The following STXBP5L variants were observed in gnomAD, a reference collection of about 807,000 sequenced individuals.
STXBP5L encodes syntaxin binding protein 5L, also known as syntaxin-binding protein 5-like.
Under a neutral mutation model 144.5 loss-of-function variants are expected in STXBP5L, and 65 were observed. The ratio of observed to expected loss-of-function variants is 0.45; its 90% CI spans 0.37 to 0.55. STXBP5L has a LOEUF of 0.55. Ranked by LOEUF, STXBP5L falls within the 20% of genes least tolerant of loss-of-function variation. The pLI is 0.00. For missense variants in STXBP5L, 1,298 were observed against 1,405.5 expected (o/e 0.92, Z 1.22); for synonymous variants, 505 against 469.6 (o/e 1.08, Z -0.97).
At chr3:121,013,449 T>C (rs1455196332) in intron 3 of STXBP5L, among the ~76,000 whole-genome samples, 1 of 152,120 alleles carries the variant, frequency 6.6e-6, no homozygotes, top group Non-Finnish European at 1.5e-5. Flanking sequence ...TGATTAGTGA[T>C]GTTGAGCATT....
At chr3:121,330,992 C>T (rs1051579268) in intron 20 of STXBP5L, among the ~76,000 whole-genome samples, 15 of 152,212 alleles carry the variant, frequency 9.9e-5, no homozygotes, top group Non-Finnish European at 1.3e-4. Flanking sequence ...GGATCCCTTG[C>T]AGACAGTCCC....
intron 2 of STXBP5L, among the ~76,000 whole-genome samples, chr3:120,918,930 A>G (rs899975603): frequency 5.3e-5 from 8 of 152,160 alleles, no homozygotes; most frequent in African/African-American, 1.7e-4. Flanking sequence ...TGGGTTGTTC[A>G]GTGTACCACA....
At chr3:121,262,241 T>C (rs1228829532) in intron 18 of STXBP5L, among the ~76,000 whole-genome samples, 1 of 152,206 alleles carries the variant, frequency 6.6e-6, no homozygotes, top group African/African-American at 2.4e-5. Flanking sequence ...TATGTCTTTC[T>C]CATATGCAAA....
intron 5 of STXBP5L, among the ~76,000 whole-genome samples, chr3:121,101,305 G>T (rs1284062527): frequency 6.6e-6 from 1 of 151,892 alleles, no homozygotes; most frequent in Non-Finnish European, 1.5e-5. Context: ...GACAATACAG[G>T]CCAATATCCC....
At chr3:121,042,198 A>G (rs1404598467) in intron 4 of STXBP5L, among the ~76,000 whole-genome samples, 1 of 151,994 alleles carries the variant, frequency 6.6e-6, no homozygotes, top group South Asian at 2.1e-4. Flanking sequence ...GGGCCCTTTT[A>G]TCTGCATATA....
intron 3 of STXBP5L, among the ~76,000 whole-genome samples, chr3:121,019,738 AG>A (rs1945410122): frequency 6.6e-6 from 1 of 152,222 alleles, no homozygotes; most frequent in Non-Finnish European, 1.5e-5. Flanking sequence ...CACCACATTA[AG>A]GGATCACTCC....
At chr3:121,406,363 A>G (rs555922307) in intron 22 of STXBP5L, among the ~76,000 whole-genome samples, 67 of 152,194 alleles carry the variant, frequency 4.4e-4, no homozygotes, top group African/African-American at 1.5e-3. Context: ...TCTCTGTCAC[A>G]TGTACACCCT....
chr3:120,979,813 A>G (rs1002606733), intron 3 of STXBP5L, among the ~76,000 whole-genome samples: 4 of 152,124 alleles, frequency 2.6e-5, no homozygotes, highest in Admixed American at 6.6e-5. Context: ...GTGTGACTGT[A>G]GATTGTCAGT....
At chr3:121,007,638 A>T (rs1944441625) in intron 3 of STXBP5L, among the ~76,000 whole-genome samples, 1 of 152,030 alleles carries the variant, frequency 6.6e-6, no homozygotes, top group African/African-American at 2.4e-5. Context: ...AGGAGATAAC[A>T]GGATGAGGGT....
intron 7 of STXBP5L, among the ~76,000 whole-genome samples, chr3:121,133,563 AC>A (rs1478619362): frequency 3.3e-5 from 5 of 152,142 alleles, no homozygotes; most frequent in Admixed American, 3.3e-4. Flanking sequence ...GAGAGATAAA[AC>A]CTTTCCCAGA....
chr3:121,004,769 G>T (rs527668906), intron 3 of STXBP5L, among the ~76,000 whole-genome samples: 3 of 152,254 alleles, frequency 2.0e-5, no homozygotes, highest in East Asian at 3.9e-4. Context: ...AAGCGTTGTT[G>T]AATTTTGTCA....
intron 2 of STXBP5L, among the ~76,000 whole-genome samples, chr3:120,930,264 A>T (rs1425117763): frequency 1.3e-5 from 2 of 151,058 alleles, no homozygotes; most frequent in African/African-American, 4.9e-5. Context: ...ACAAAGTCTT[A>T]TCTACATAGT....
chr3:121,111,428 C>G (rs1283106978), intron 5 of STXBP5L, among the ~76,000 whole-genome samples: 1 of 152,100 alleles, frequency 6.6e-6, no homozygotes, highest in African/African-American at 2.4e-5. Context: ...TTTGAGGGGA[C>G]TTTTTTGTTA....
At chr3:121,352,637 A>T (rs1294152225) in intron 20 of STXBP5L, among the ~76,000 whole-genome samples, 1 of 152,080 alleles carries the variant, frequency 6.6e-6, no homozygotes, top group Non-Finnish European at 1.5e-5. Flanking sequence ...AACAGGGACA[A>T]TTTGACTCTT....
At chr3:121,205,038 G>C (rs1054212620) in intron 9 of STXBP5L, among the ~76,000 whole-genome samples, 1 of 152,142 alleles carries the variant, frequency 6.6e-6, no homozygotes, top group African/African-American at 2.4e-5. Context: ...AAATGTATTT[G>C]ATAGAATAAT....
chr3:121,100,840 A>G (rs1167266018), intron 5 of STXBP5L, among the ~76,000 whole-genome samples: 2 of 151,630 alleles, frequency 1.3e-5, no homozygotes, highest in African/African-American at 4.8e-5. Context: ...TATTGGTAGA[A>G]CACTAGCTAG....
chr3:121,060,999 C>G (rs1177630686), intron 5 of STXBP5L, among the ~76,000 whole-genome samples: 1 of 152,014 alleles, frequency 6.6e-6, no homozygotes, highest in Non-Finnish European at 1.5e-5. Context: ...TTAGTTATTT[C>G]TTGTCTTCTG....
intron 19 of STXBP5L, among the ~76,000 whole-genome samples, chr3:121,291,755 A>T (rs2051447791): frequency 6.6e-6 from 1 of 152,162 alleles, no homozygotes; most frequent in South Asian, 2.1e-4. Flanking sequence ...ATAAAGCCAA[A>T]TACTTGCAGC....
chr3:121,234,826 C>A (rs898026867), intron 12 of STXBP5L, among the ~76,000 whole-genome samples: 5 of 151,904 alleles, frequency 3.3e-5, no homozygotes, highest in African/African-American at 1.2e-4. Flanking sequence ...GCTTATTCTT[C>A]TAAGAAGTTC....
Sources: allele counts gnomAD v4.1 joint callset (sites outside exome capture counted in the v4.1 genomes callset), GRCh38; gene constraint gnomAD v4.1.1; transcripts MANE v1.5; gene names NCBI Gene and HGNC (gene_info 2026-07-23, HGNC 2026-07-21).